The following QKI variants were observed in gnomAD, a reference collection of about 807,000 sequenced individuals.
QKI encodes KH domain-containing RNA-binding protein QKI.
In QKI, 10 loss-of-function variants were observed where a neutral mutation model predicts 39.0. The observed-to-expected ratio is 0.26, with a 90% CI of 0.16 to 0.43. QKI has a LOEUF of 0.43. QKI is among the 20% of genes least tolerant of loss of function. QKI has a pLI of 1.00. For synonymous variants in QKI, 204 were observed against 155.4 expected (o/e 1.31, Z -2.33); for missense variants, 218 against 428.0 (o/e 0.51, Z 4.33).
At chr6:163,474,239 C>T (rs745757433) in intron 2 of QKI, among the ~76,000 whole-genome samples, 9 of 152,062 alleles carry the variant, frequency 5.9e-5, no homozygotes, top group Non-Finnish European at 1.0e-4. Flanking sequence ...ACTGTTGAAA[C>T]CTTTATTCTT....
At chr6:163,434,246 A>G (rs1416108265) in intron 1 of QKI, among the ~76,000 whole-genome samples, 4 of 152,168 alleles carry the variant, frequency 2.6e-5, no homozygotes, top group Non-Finnish European at 5.9e-5. Context: ...AAGGGGCCAC[A>G]TCATTTCCTA....
intron 1 of QKI, among the ~76,000 whole-genome samples, chr6:163,422,808 C>T (rs1184389536): frequency 6.6e-6 from 1 of 152,272 alleles, no homozygotes; most frequent in East Asian, 1.9e-4. Context: ...AAGCACCTCG[C>T]TTTTGCTTTA....
intron 1 of QKI, among the ~76,000 whole-genome samples, chr6:163,441,894 G>A (rs1380284116): frequency 1.3e-5 from 2 of 152,216 alleles, no homozygotes. Context: ...GGCAAGGGGA[G>A]CCTGTGTGGA....
At chr6:163,511,805 A>AG (rs1779498820) in intron 3 of QKI, among the ~76,000 whole-genome samples, 1 of 152,030 alleles carries the variant, frequency 6.6e-6, no homozygotes, top group Non-Finnish European at 1.5e-5. Context: ...TCTTCCATTA[A>AG]GAAAAAAAAA....
intron 4 of QKI, among the ~76,000 whole-genome samples, chr6:163,550,439 TAGTAACAA>T (rs1169124952): frequency 6.6e-6 from 1 of 152,136 alleles, no homozygotes; most frequent in African/African-American, 2.4e-5. Flanking sequence ...CCATAGCACA[TAGTAACAA>T]AGCTACTTTT....
chr6:163,427,106 T>TA (rs1442517295), intron 1 of QKI, among the ~76,000 whole-genome samples: 1 of 152,128 alleles, frequency 6.6e-6, no homozygotes, highest in Non-Finnish European at 1.5e-5. Flanking sequence ...ATTTAGGTGT[T>TA]AAACATGTTC....
chr6:163,436,593 C>G (rs113852065), intron 1 of QKI, among the ~76,000 whole-genome samples: 1 of 152,050 alleles, frequency 6.6e-6, no homozygotes, highest in East Asian at 1.9e-4. Flanking sequence ...GTGGGCTGAT[C>G]ACTTGAGGCC....
intron 2 of QKI, among the ~76,000 whole-genome samples, chr6:163,472,931 A>G (rs569178403): frequency 2.6e-5 from 4 of 152,264 alleles, no homozygotes; most frequent in Non-Finnish European, 5.9e-5. Context: ...AAAAAATTGG[A>G]AAAAGAACAG....
chr6:163,463,397 G>A (rs1791484095), intron 2 of QKI, among the ~76,000 whole-genome samples: 8 of 152,144 alleles, frequency 5.3e-5, no homozygotes, highest in Admixed American at 5.2e-4. Flanking sequence ...AAAATACCCA[G>A]CCCAGAAGTT....
intron 3 of QKI, among the ~76,000 whole-genome samples, chr6:163,489,006 T>C (rs181714200): frequency 6.7e-6 from 1 of 149,892 alleles, no homozygotes; most frequent in African/African-American, 2.5e-5. Context: ...TAAACAGTTA[T>C]GTAACAGTTT....
chr6:163,416,138 G>A (rs1787467921), intron 1 of QKI, among the ~76,000 whole-genome samples: 1 of 151,620 alleles, frequency 6.6e-6, no homozygotes, highest in African/African-American at 2.4e-5. Context: ...CGGAGGGTTT[G>A]CTCCCGGGGA....
chr6:163,457,420 G>A (rs144768699), intron 2 of QKI: 5 of 455,930 alleles, frequency 1.1e-5, no homozygotes, highest in East Asian at 7.0e-5. Flanking sequence ...TTACCGACTG[G>A]TGTGTTGGAG....
At chr6:163,532,411 G>A (rs924161710) in intron 3 of QKI, among the ~76,000 whole-genome samples, 1 of 152,116 alleles carries the variant, frequency 6.6e-6, no homozygotes, top group Non-Finnish European at 1.5e-5. Context: ...TTGCATGCCC[G>A]TTAATTTCTA....
chr6:163,430,934 C>T (rs1256888084), intron 1 of QKI, among the ~76,000 whole-genome samples: 1 of 152,126 alleles, frequency 6.6e-6, no homozygotes, highest in Non-Finnish European at 1.5e-5. Flanking sequence ...CATATTAAGT[C>T]TCCAGGATTT....
chr6:163,469,307 A>G (rs1583043656), intron 2 of QKI, among the ~76,000 whole-genome samples: 2 of 152,178 alleles, frequency 1.3e-5, no homozygotes, highest in African/African-American at 2.4e-5. Flanking sequence ...TGGTTTCACA[A>G]AGGGTACGGG....
At chr6:163,517,416 T>G (rs1332394684) in intron 3 of QKI, among the ~76,000 whole-genome samples, 2 of 152,146 alleles carry the variant, frequency 1.3e-5, no homozygotes, top group Admixed American at 6.5e-5. Context: ...TTTTGTTTTT[T>G]GTTTTGGTTT....
At chr6:163,457,541 G>A in intron 2 of QKI, 1 of 442,144 alleles carries the variant, frequency 2.3e-6, no homozygotes, top group South Asian at 1.6e-5. Flanking sequence ...TATTGAATCA[G>A]AAACTCTGGG....
chr6:163,421,025 T>C (rs1787954927), intron 1 of QKI, among the ~76,000 whole-genome samples: 1 of 152,192 alleles, frequency 6.6e-6, no homozygotes, highest in Non-Finnish European at 1.5e-5. Context: ...CTTACCTCCT[T>C]TTTTGATTTC....
chr6:163,437,128 A>G (rs1789362539), intron 1 of QKI, among the ~76,000 whole-genome samples: 2 of 152,166 alleles, frequency 1.3e-5, no homozygotes, highest in Non-Finnish European at 2.9e-5. Flanking sequence ...CCTTTGTGAG[A>G]GAGATGATGT....
Sources: allele counts gnomAD v4.1 joint callset (sites outside exome capture counted in the v4.1 genomes callset), GRCh38; gene constraint gnomAD v4.1.1; transcripts MANE v1.5; gene names NCBI Gene and HGNC (gene_info 2026-07-23, HGNC 2026-07-21).